The following RABGAP1L variants were observed in gnomAD, a reference collection of about 807,000 sequenced individuals.
The protein encoded by RABGAP1L is rab GTPase-activating protein 1-like.
A neutral mutation model predicts 137.7 loss-of-function variants in RABGAP1L; 63 were observed. The ratio of observed to expected loss-of-function variants is 0.46; its 90% CI spans 0.37 to 0.56. RABGAP1L has a LOEUF of 0.56. Ranked by LOEUF, RABGAP1L falls within the 20% of genes least tolerant of loss-of-function variation. The pLI is 0.00. For synonymous variants in RABGAP1L, 431 were observed against 433.7 expected (o/e 0.99, Z 0.08); for missense variants, 1,095 against 1,244.0 (o/e 0.88, Z 1.80).
chr1:174,601,267 G>A (rs781157136), intron 13 of RABGAP1L, among the ~76,000 whole-genome samples: 5 of 152,228 alleles, frequency 3.3e-5, no homozygotes, highest in African/African-American at 9.6e-5. Context: ...GCCTGTGATG[G>A]GAGGGGCTGC....
At chr1:174,709,220 TG>T (rs985535554) in intron 17 of RABGAP1L, among the ~76,000 whole-genome samples, 1 of 152,122 alleles carries the variant, frequency 6.6e-6, no homozygotes, top group African/African-American at 2.4e-5. Context: ...ACAGAGCACC[TG>T]GGGGAAGGGG....
intron 11 of RABGAP1L, among the ~76,000 whole-genome samples, chr1:174,327,980 CACACACAT>C (rs1455078032): frequency 0.02 from 2,074 of 105,882 alleles, 108 homozygotes; most frequent in East Asian, 0.1. Context: ...TATATATATA[CACACACAT>C]ATATATATAT....
At chr1:174,778,377 A>G (rs1686699625) in intron 18 of RABGAP1L, among the ~76,000 whole-genome samples, 1 of 152,234 alleles carries the variant, frequency 6.6e-6, no homozygotes, top group Non-Finnish European at 1.5e-5. Context: ...GATCTGGATT[A>G]CTGAAAATGT....
intron 13 of RABGAP1L, among the ~76,000 whole-genome samples, chr1:174,458,124 C>G (rs1223132552): frequency 2.0e-5 from 3 of 151,990 alleles, no homozygotes; most frequent in African/African-American, 7.2e-5. Context: ...ATATGGATAA[C>G]TATAGGGCAA....
At chr1:174,704,409 A>G (rs1440957976) in intron 17 of RABGAP1L, among the ~76,000 whole-genome samples, 1 of 152,258 alleles carries the variant, frequency 6.6e-6, no homozygotes, top group Non-Finnish European at 1.5e-5. Flanking sequence ...TCAGCCTACT[A>G]AAACAGTAAC....
chr1:174,980,422 C>T (rs938660932), intron 23 of RABGAP1L, among the ~76,000 whole-genome samples: 2 of 151,810 alleles, frequency 1.3e-5, no homozygotes, highest in African/African-American at 2.4e-5. Context: ...GTAATACCTA[C>T]GTAGAAATAA....
chr1:174,248,180 T>G (rs1397376479), intron 5 of RABGAP1L, among the ~76,000 whole-genome samples: 1 of 152,224 alleles, frequency 6.6e-6, no homozygotes, highest in Non-Finnish European at 1.5e-5. Context: ...CAGCTGAGGC[T>G]GAACCTTTCT....
chr1:174,839,980 C>T lies in RABGAP1L; in HGVS notation c.2340+28020C>T, dbSNP rs116215770. 9.0e-3 allele frequency among the ~76,000 whole-genome samples: 1,370 copies of T among 152,194 alleles called. 23 individuals carry two copies. The highest frequency in any genetic ancestry group is 0.032 in the African/African-American group (1,321 of 41,516). On this transcript the variant is annotated intron_variant, in intron 19 of 25. Transcript: ENST00000681986. ...AGCCAAGAAACTATGGGAGGAATTTCAAGGAACCAGATAATATATGCATAA... is the reference window on the plus strand; with the variant it reads ...AGCCAAGAAACTATGGGAGGAATTTTAAGGAACCAGATAATATATGCATAA...
At position 174,327,289 on chromosome 1, in the gene RABGAP1L, G is replaced by T. The variant is rs533985433; in HGVS notation, c.1465+22162G>T. 2.9e-4 allele frequency among the ~76,000 whole-genome samples: 43 copies of T among 148,592 alleles called. No homozygotes were observed. In the South Asian group the frequency reaches 7.5e-3, roughly 26 times the overall value. ...ATAATTTGCTAAGGTATAAAAAGAT[G>T]TAAATTATGTATATAATAAGGTATA... On this transcript the variant is annotated intron_variant, in intron 11 of 25. Coordinates refer to ENST00000681986, the MANE Select transcript of RABGAP1L (RefSeq NM_001366446.1).
chr1:174,404,460 C>T (rs563257906), intron 13 of RABGAP1L, among the ~76,000 whole-genome samples: 3 of 152,144 alleles, frequency 2.0e-5, no homozygotes, highest in East Asian at 1.9e-4. Flanking sequence ...TGCATCAATG[C>T]GTTAAATAGA....
rs567596458 is a variant in RABGAP1L at position 174,752,378 on chromosome 1, G to A, written c.2211+24G>A. On this transcript the variant is annotated intron_variant, in intron 18 of 25. Coordinates refer to ENST00000681986, the MANE Select transcript of RABGAP1L (RefSeq NM_001366446.1). ...AGGTAAGTCTTTTTTTTAATCTTAA[G>A]TTACCACATTCTCTTACCTCTTTGC... The A allele has an allele frequency of 1.8e-5, 27 of 1,509,836 alleles. No individual in the cohort carries two copies. In the South Asian group the frequency reaches 2.7e-4, roughly 15 times the overall value. 93.5% of individuals were successfully genotyped at this position (1,509,836 alleles called of 1,614,324 possible).
intron 3 of RABGAP1L, among the ~76,000 whole-genome samples, chr1:174,225,809 A>T (rs1670127913): frequency 6.6e-6 from 1 of 152,110 alleles, no homozygotes; most frequent in African/African-American, 2.4e-5. Flanking sequence ...GCAGAATCAT[A>T]TGTCTGGAGC....
rs1461401454 is a variant in RABGAP1L at position 174,577,321 on chromosome 1, T to C, written c.1711-60054T>C. On this transcript the variant is annotated intron_variant, in intron 13 of 25. Coordinates refer to ENST00000681986, the MANE Select transcript of RABGAP1L (RefSeq NM_001366446.1). ...AAGAATTTAGTCAATATAAATATAT[T>C]TATATATATATATAGTCAATATAAA... 3.5e-5 allele frequency among the ~76,000 whole-genome samples: 5 copies of C among 143,890 alleles called. No homozygotes were observed. In the Admixed American group the frequency reaches 3.5e-4, roughly 10 times the overall value. The allele number at this position is 143,890 out of a possible 152,430, so 94.4% of individuals were successfully genotyped here. A position where few individuals can be genotyped will look rare whatever the true frequency, so the allele number is the denominator to read the frequency against.
At chr1:174,178,376 G>A (rs1272904237) in intron 1 of RABGAP1L, among the ~76,000 whole-genome samples, 1 of 152,050 alleles carries the variant, frequency 6.6e-6, no homozygotes, top group Non-Finnish European at 1.5e-5. Context: ...GGGCTGAGAT[G>A]GGTGGTGGCA....
intron 10 of RABGAP1L, among the ~76,000 whole-genome samples, chr1:174,283,759 G>A (rs1436233427): frequency 1.3e-5 from 2 of 152,104 alleles, no homozygotes; most frequent in African/African-American, 4.8e-5. Flanking sequence ...CACCCTCCTC[G>A]GCCTCCCAAA....
chr1:174,910,269 C>T (rs1454516111), intron 19 of RABGAP1L, among the ~76,000 whole-genome samples: 2 of 152,056 alleles, frequency 1.3e-5, no homozygotes, highest in Non-Finnish European at 2.9e-5. Flanking sequence ...TGGACAGAAC[C>T]AATAACAAGA....
intron 13 of RABGAP1L, among the ~76,000 whole-genome samples, chr1:174,482,696 C>A (rs1386097302): frequency 6.6e-6 from 1 of 152,120 alleles, no homozygotes; most frequent in Non-Finnish European, 1.5e-5. Context: ...AGGCCGGTCT[C>A]GAACTGCTGG....
At chr1:174,547,152 C>A (rs946034385) in intron 13 of RABGAP1L, among the ~76,000 whole-genome samples, 8 of 151,390 alleles carry the variant, frequency 5.3e-5, no homozygotes, top group African/African-American at 1.9e-4. Flanking sequence ...ATTAAACAGA[C>A]CTGTATTCAA....
chr1:174,513,470 C>A (rs995179058), intron 13 of RABGAP1L, among the ~76,000 whole-genome samples: 1 of 151,908 alleles, frequency 6.6e-6, no homozygotes, highest in African/African-American at 2.4e-5. Flanking sequence ...AAAAAATAGC[C>A]AGGCTTGGTG....
Sources: allele counts gnomAD v4.1 joint callset (sites outside exome capture counted in the v4.1 genomes callset), GRCh38; gene constraint gnomAD v4.1.1; transcripts MANE v1.5; gene names NCBI Gene and HGNC (gene_info 2026-07-23, HGNC 2026-07-21).